The following PLXNA2 variants were observed in gnomAD, a reference collection of about 807,000 sequenced individuals.
The protein encoded by PLXNA2 is plexin-A2.
Under a neutral mutation model 193.5 loss-of-function variants are expected in PLXNA2, and 91 were observed. That is an observed-to-expected ratio of 0.47 (90% CI 0.40 to 0.56). The LOEUF (loss-of-function observed/expected upper bound fraction) is 0.56. Among genes scored for constraint, PLXNA2 ranks in the 20% least tolerant of loss-of-function variants. The pLI, the probability that PLXNA2 is intolerant of heterozygous loss-of-function variation, is 0.00. For synonymous variants in PLXNA2, 997 were observed against 1,027.3 expected (o/e 0.97, Z 0.56); for missense variants, 1,995 against 2,503.2 (o/e 0.80, Z 4.33).
At chr1:208,240,168 A>C (rs897425237) in intron 1 of PLXNA2, among the ~76,000 whole-genome samples, 1 of 152,188 alleles carries the variant, frequency 6.6e-6, no homozygotes, top group Non-Finnish European at 1.5e-5. Context: ...CCTGCTCCCC[A>C]ACAAAGAACT....
At chr1:208,041,969 G>T (rs933185450) in intron 22 of PLXNA2, 129 bp downstream of exon 22, 37 of 946,208 alleles carry the variant, frequency 3.9e-5, no homozygotes, top group Middle Eastern at 3.1e-4. Context: ...GAGGACACAG[G>T]CTGCTCTGAA....
chr1:208,093,789 A>G (rs1186776994), intron 8 of PLXNA2, among the ~76,000 whole-genome samples: 1 of 152,116 alleles, frequency 6.6e-6, no homozygotes, highest in African/African-American at 2.4e-5. Context: ...GACTGTGTAT[A>G]TTCTTTTGGC....
At position 208,210,283 on chromosome 1, in the gene PLXNA2, T is replaced by A; in HGVS notation, c.1368A>T (p.Lys456Asn). Residue 456 changes from lysine to asparagine, a missense_variant, in exon 3 of 32, where the codon AAA (lysine) becomes AAT (asparagine). Lys to Asn is a moderately conservative substitution (Grantham distance 94). Coordinates refer to ENST00000367033, the MANE Select transcript of PLXNA2 (RefSeq NM_025179.4). ...VFVGTKSGKL[K>N]KIRADGPPHG... ...ATCTGAACTCATAGACTCTTACCTTTTTCAGCTTGCCACTCTTAGTCCCCA... is the reference window on the plus strand; with the variant it reads ...ATCTGAACTCATAGACTCTTACCTTATTCAGCTTGCCACTCTTAGTCCCCA... 1 of 1,613,820 alleles carries A rather than the reference T, an allele frequency of 6.2e-7. No homozygotes were observed. Among genetic ancestry groups the A allele is most frequent in the Non-Finnish European group, 8.5e-7 (1 of 1,179,988 alleles).
At chr1:208,219,893 A>G (rs929211134) in intron 1 of PLXNA2, among the ~76,000 whole-genome samples, 3 of 152,176 alleles carry the variant, frequency 2.0e-5, no homozygotes, top group Non-Finnish European at 2.9e-5. Flanking sequence ...CTCCCAACAG[A>G]CAGGGCTTTC....
chr1:208,200,571 ATCC>A (rs1378853428), intron 3 of PLXNA2, among the ~76,000 whole-genome samples: 2 of 137,264 alleles, frequency 1.5e-5, no homozygotes, highest in East Asian at 4.3e-4. Context: ...AAATATCCCA[ATCC>A]TTCTTTTTTT....
intron 12 of PLXNA2, among the ~76,000 whole-genome samples, chr1:208,064,924 CT>C (rs1318760348): frequency 6.6e-6 from 1 of 152,168 alleles, no homozygotes; most frequent in Non-Finnish European, 1.5e-5. Context: ...AGGGCTCTCT[CT>C]TAAAAGCAGC....
At chr1:208,166,565 A>G (rs1170791366) in intron 3 of PLXNA2, among the ~76,000 whole-genome samples, 1 of 152,210 alleles carries the variant, frequency 6.6e-6, no homozygotes, top group Non-Finnish European at 1.5e-5. Context: ...ACAGGTAACT[A>G]AGAGGCTTAA....
chr1:208,234,544 C>T (rs1558259113), intron 1 of PLXNA2, among the ~76,000 whole-genome samples: 1 of 152,168 alleles, frequency 6.6e-6, no homozygotes, highest in Non-Finnish European at 1.5e-5. Flanking sequence ...GCTAATGCTT[C>T]TCCCCAGACA....
intron 4 of PLXNA2, among the ~76,000 whole-genome samples, chr1:208,123,908 C>T (rs1667883314): frequency 6.6e-6 from 1 of 152,094 alleles, no homozygotes; most frequent in African/African-American, 2.4e-5. Context: ...CTAAGGGAAG[C>T]TACTTGGAGA....
At chr1:208,086,697 T>C (rs1461152576) in intron 9 of PLXNA2, among the ~76,000 whole-genome samples, 1 of 149,462 alleles carries the variant, frequency 6.7e-6, no homozygotes, top group East Asian at 2.0e-4. Context: ...AGCCAGTCAC[T>C]CAAGCTGCCA....
intron 2 of PLXNA2, among the ~76,000 whole-genome samples, chr1:208,211,909 G>A (rs879047): frequency 0.17 from 25,732 of 152,172 alleles, 2,303 homozygotes; most frequent in African/African-American, 0.22. Context: ...TGCTTCCTGA[G>A]GCAGGGGCTG....
intron 17 of PLXNA2, 93 bp downstream of exon 17, chr1:208,050,916 G>A (rs1276372074): frequency 4.7e-6 from 4 of 858,346 alleles, no homozygotes; most frequent in Non-Finnish European, 7.9e-6. Context: ...AGTATTCAGA[G>A]GCTCCAGTGC....
intron 4 of PLXNA2, among the ~76,000 whole-genome samples, chr1:208,105,031 C>T (rs981174503): frequency 1.3e-5 from 2 of 152,104 alleles, no homozygotes; most frequent in Admixed American, 1.3e-4. Flanking sequence ...CTAATCTGAC[C>T]ATGGGCTGCA....
chr1:208,098,752 A>G, intron 6 of PLXNA2, 94 bp downstream of exon 6: 1 of 1,426,242 alleles, frequency 7.0e-7, no homozygotes, highest in Non-Finnish European at 9.6e-7. Context: ...AGTCTGATCA[A>G]TTTACAGATA....
At chr1:208,111,322 C>T (rs1008356812) in intron 4 of PLXNA2, among the ~76,000 whole-genome samples, 2 of 152,128 alleles carry the variant, frequency 1.3e-5, no homozygotes, top group East Asian at 3.9e-4. Flanking sequence ...CTACCTCTGG[C>T]TCCTAAAATG....
intron 20 of PLXNA2, among the ~76,000 whole-genome samples, chr1:208,043,977 A>C (rs997009209): frequency 5.3e-5 from 8 of 152,238 alleles, no homozygotes; most frequent in African/African-American, 1.7e-4. Context: ...GAGAAAACAC[A>C]ATCTGCACTC....
At chr1:208,141,977 T>G (rs1668469190) in intron 4 of PLXNA2, among the ~76,000 whole-genome samples, 1 of 152,366 alleles carries the variant, frequency 6.6e-6, no homozygotes, top group East Asian at 1.9e-4. Flanking sequence ...GCCTGGATTA[T>G]TTACACCTCT....
At chr1:208,031,493 T>C in intron 29 of PLXNA2, 97 bp downstream of exon 29, 1 of 1,484,488 alleles carries the variant, frequency 6.7e-7, no homozygotes. Flanking sequence ...CAGCCGAGAA[T>C]AGGCTATCCT....
chr1:208,205,039 G>T (rs2102589797), intron 3 of PLXNA2, among the ~76,000 whole-genome samples: 1 of 152,262 alleles, frequency 6.6e-6, no homozygotes, highest in African/African-American at 2.4e-5. Context: ...GGTTGAGGCG[G>T]CAGTTTAGCA....
Sources: gnomAD v4.1 joint callset for allele counts (sites outside exome capture counted in the v4.1 genomes callset) on GRCh38, gnomAD v4.1.1 for gene constraint, MANE v1.5 for transcripts, NCBI Gene and HGNC (gene_info 2026-07-23, HGNC 2026-07-21) for gene names.